The following ADGRL3 variants were observed in gnomAD, a reference collection of about 807,000 sequenced individuals.
ADGRL3 encodes the protein calcium-independent alpha-latrotoxin receptor 3.
ADGRL3 carries 62 observed loss-of-function variants against 153.5 expected under a neutral mutation model. That is an observed-to-expected ratio of 0.40 (90% CI 0.33 to 0.50). The LOEUF (loss-of-function observed/expected upper bound fraction) is 0.50. Among genes scored for constraint, ADGRL3 ranks in the 20% least tolerant of loss-of-function variants. The pLI is 0.47. For missense variants in ADGRL3, 1,641 were observed against 1,859.4 expected (o/e 0.88, Z 2.16); for synonymous variants, 710 against 672.5 (o/e 1.06, Z -0.86).
Position 61,962,442 on chromosome 4 carries a change from C to A in ADGRL3, c.2805+14166C>A, listed in dbSNP as rs1423428989. Among the ~76,000 whole-genome samples the A allele has an allele frequency of 7.9e-5, 12 of 151,624 alleles. 1 individual carries two copies. The South Asian group carries it at 2.5e-3, about 32-fold the overall frequency. ...ATTGTTTTTTCAAGCAGGACCCAAC[C>A]AAGGATCATACGTTGCCTTCATTTG... On this transcript the variant is annotated intron_variant, in intron 17 of 26. Coordinates refer to ENST00000683033, the MANE Select transcript of ADGRL3 (RefSeq NM_001387552.1).
At chr4:61,453,119 A>G (rs1578943847) in intron 2 of ADGRL3, among the ~76,000 whole-genome samples, 1 of 152,172 alleles carries the variant, frequency 6.6e-6, no homozygotes. Flanking sequence ...TGAAGGTTGA[A>G]TGTGAAACAT....
At chr4:61,836,524 G>A (rs2097938239) in intron 9 of ADGRL3, among the ~76,000 whole-genome samples, 1 of 151,936 alleles carries the variant, frequency 6.6e-6, no homozygotes. Flanking sequence ...CATGAAAGTT[G>A]AATGTGTGAT....
intron 1 of ADGRL3, among the ~76,000 whole-genome samples, chr4:61,330,782 T>G (rs921799800): frequency 6.6e-6 from 1 of 152,100 alleles, no homozygotes; most frequent in Admixed American, 6.6e-5. Flanking sequence ...TTTATTCCCT[T>G]ATTTGTCCCC....
At chr4:62,015,822 A>G (rs2099208593) in intron 21 of ADGRL3, among the ~76,000 whole-genome samples, 1 of 151,410 alleles carries the variant, frequency 6.6e-6, no homozygotes, top group African/African-American at 2.4e-5. Context: ...TACATTTTGA[A>G]TGCTTTTGCT....
At chr4:61,262,523 G>A (rs756069322) in intron 1 of ADGRL3, among the ~76,000 whole-genome samples, 1 of 151,968 alleles carries the variant, frequency 6.6e-6, no homozygotes, top group African/African-American at 2.4e-5. Context: ...ATTAGCATTC[G>A]TCATTCTCGT....
intron 1 of ADGRL3, among the ~76,000 whole-genome samples, chr4:61,382,504 T>G (rs1170641738): frequency 6.6e-6 from 1 of 151,726 alleles, no homozygotes; most frequent in Non-Finnish European, 1.5e-5. Flanking sequence ...AATTAAAAAA[T>G]TATGGTAATT....
chr4:62,039,361 T>A (rs1180494151), intron 24 of ADGRL3, among the ~76,000 whole-genome samples: 2 of 152,196 alleles, frequency 1.3e-5, no homozygotes, highest in Admixed American at 1.3e-4. Context: ...TCCTCACCAA[T>A]TGAGTTTTAA....
chr4:61,406,034 T>C (rs891123919), intron 2 of ADGRL3, among the ~76,000 whole-genome samples: 1 of 152,040 alleles, frequency 6.6e-6, no homozygotes, highest in African/African-American at 2.4e-5. Context: ...ATTCACTCAC[T>C]GAAGTGATAA....
chr4:61,290,048 A>T (rs1180732136), intron 1 of ADGRL3, among the ~76,000 whole-genome samples: 1 of 152,130 alleles, frequency 6.6e-6, no homozygotes, highest in African/African-American at 2.4e-5. Flanking sequence ...AATGGAAAAC[A>T]AATAAACAGA....
chr4:61,786,474 T>C (rs2097276727), intron 8 of ADGRL3, among the ~76,000 whole-genome samples: 1 of 152,086 alleles, frequency 6.6e-6, no homozygotes, highest in South Asian at 2.1e-4. Context: ...AGAGCATTCG[T>C]GAGATGATAA....
intron 5 of ADGRL3, among the ~76,000 whole-genome samples, chr4:61,666,147 C>T (rs78610426): frequency 0.027 from 4,114 of 152,212 alleles, 192 homozygotes; most frequent in African/African-American, 0.094. Context: ...TATATGCAGA[C>T]ACACACATGC....
chr4:61,510,084 C>T (rs143297954), intron 3 of ADGRL3, among the ~76,000 whole-genome samples: 162 of 152,244 alleles, frequency 1.1e-3, no homozygotes, highest in African/African-American at 3.7e-3. Flanking sequence ...AGTGTTTGTT[C>T]ATGTCCTTCG....
At chr4:61,573,192 T>C (rs1362520814) in intron 4 of ADGRL3, among the ~76,000 whole-genome samples, 1 of 151,984 alleles carries the variant, frequency 6.6e-6, no homozygotes, top group Non-Finnish European at 1.5e-5. Flanking sequence ...CCATTAAATA[T>C]AATGTGTATG....
rs80263302 is a variant in ADGRL3, at chr4:61,570,586, T to G, written c.260-16641T>G. On this transcript the variant is annotated intron_variant, in intron 4 of 26. Transcript: ENST00000683033. ...TGAAACACCTCCCTATCTTTCATAG[T>G]CTATTATAATTTTGCACCATTACAC... Among the ~76,000 whole-genome samples the G allele has an allele frequency of 6.1e-3, 932 of 152,260 alleles. 8 individuals are homozygous for G. Among genetic ancestry groups the G allele is most frequent in the African/African-American group, 0.021 (889 of 41,562 alleles).
intron 8 of ADGRL3, among the ~76,000 whole-genome samples, chr4:61,749,603 A>G (rs987497617): frequency 6.6e-6 from 1 of 152,100 alleles, no homozygotes. Context: ...GTAAACTATC[A>G]CAAGAACAAA....
intron 1 of ADGRL3, among the ~76,000 whole-genome samples, chr4:61,367,617 T>G (rs62314368): frequency 7.1e-6 from 1 of 140,662 alleles, no homozygotes; most frequent in Non-Finnish European, 1.6e-5. Flanking sequence ...TGTGCCACAA[T>G]TTCTTAATCC....
chr4:61,768,574 T>C (rs1485426143), intron 8 of ADGRL3, among the ~76,000 whole-genome samples: 1 of 152,000 alleles, frequency 6.6e-6, no homozygotes, highest in African/African-American at 2.4e-5. Flanking sequence ...GGTGGAAAAA[T>C]TGAAAGTGCC....
At chr4:61,888,008 A>G (rs560561285) in intron 9 of ADGRL3, among the ~76,000 whole-genome samples, 58 of 151,654 alleles carry the variant, frequency 3.8e-4, no homozygotes, top group Non-Finnish European at 7.0e-4. Context: ...GAAAAAAATT[A>G]AACAAATCAA....
chr4:61,465,703 C>G (rs937772514), intron 2 of ADGRL3, among the ~76,000 whole-genome samples: 5 of 138,676 alleles, frequency 3.6e-5, no homozygotes, highest in Admixed American at 2.3e-4. Context: ...ATGGACAAAC[C>G]AACATAGTTT....
Sources: allele counts gnomAD v4.1 joint callset (sites outside exome capture counted in the v4.1 genomes callset), GRCh38; gene constraint gnomAD v4.1.1; transcripts MANE v1.5; gene names NCBI Gene and HGNC (gene_info 2026-07-23, HGNC 2026-07-21).